TAOK1: variants seen among roughly 807,000 people sequenced by gnomAD.
TAOK1 encodes TAO kinase 1.
A neutral mutation model predicts 138.3 loss-of-function variants in TAOK1; 21 were observed. The ratio of observed to expected loss-of-function variants is 0.15; its 90% CI spans 0.11 to 0.22. The LOEUF (loss-of-function observed/expected upper bound fraction) is 0.22, where lower values mean the gene tolerates loss of function less well. TAOK1 is among the 10% of genes least tolerant of loss of function. The pLI, the probability that TAOK1 is intolerant of heterozygous loss-of-function variation, is 1.00. For synonymous variants in TAOK1, 361 were observed against 398.4 expected, an observed-to-expected ratio of 0.91 and a Z score of 1.12; for missense variants, 651 against 1,227.7, an observed-to-expected ratio of 0.53 and a Z score of 7.02.
intron 1 of TAOK1, among the ~76,000 whole-genome samples, chr17:29,450,595 T>G (rs1377200204): frequency 1.3e-5 from 2 of 152,154 alleles, no homozygotes; most frequent in Non-Finnish European, 2.9e-5. Context: ...CACTGCAACC[T>G]TGACCTCCTG....
At chr17:29,436,354 G>A (rs11652977) in intron 1 of TAOK1, among the ~76,000 whole-genome samples, 98,048 of 151,944 alleles carry the variant, frequency 0.65, 33,509 homozygotes, top group East Asian at 0.97. Flanking sequence ...CAATATTCCA[G>A]CCAAAAGTCA....
chr17:29,498,590 G>A, intron 12 of TAOK1, 69 bp downstream of exon 12: 3 of 1,555,254 alleles, frequency 1.9e-6, no homozygotes, highest in Non-Finnish European at 2.7e-6. Context: ...GTTAGTTTAA[G>A]AGAAGGAAGA....
Position 29,491,814 on chromosome 17 carries a change from T to A in TAOK1, c.780T>A (p.Ser260=). ...WSDYFRNFVD[S]CLQKIPQDRP... ...ATTATTTTCGCAACTTTGTAGATTC[T>A]TGCCTCCAGAAAATCCCTCAAGATC... The change falls in exon 10 of 20, where the codon TCT becomes TCA. Residue 260 remains serine (S), a synonymous_variant. Coordinates refer to ENST00000261716, the MANE Select transcript of TAOK1 (RefSeq NM_020791.4). 6.2e-7 allele frequency: 1 copy of A among 1,613,928 alleles called. No individual in the cohort carries two copies.
At chr17:29,395,646 C>CTTTTTTT (rs10591199) in intron 1 of TAOK1, among the ~76,000 whole-genome samples, 2 of 129,758 alleles carry the variant, frequency 1.5e-5, no homozygotes, top group Non-Finnish European at 3.2e-5. Context: ...GGTATGTGTA[C>CTTTTTTT]TTTTTTTTTT....
Position 29,475,775 on chromosome 17 carries a change from G to A in TAOK1, c.306+4G>A. 3 of 1,605,672 alleles carry A rather than the reference G, an allele frequency of 1.9e-6. No individual in the cohort carries two copies. The highest frequency in any genetic ancestry group is 2.6e-6 in the Non-Finnish European group (3 of 1,173,948). On this transcript the variant is annotated splice_donor_region_variant and intron_variant, in intron 4 of 19. Coordinates refer to ENST00000261716, the MANE Select transcript of TAOK1 (RefSeq NM_020791.4). ...TTTACGTGAACACACAGCATGGGTT[G>A]GTATTTGTTCTCCCCTTGTTGCAGT... is the stretch of plus-strand genomic sequence containing the variant.
chr17:29,391,845 A>C (rs1904441110), intron 1 of TAOK1, among the ~76,000 whole-genome samples: 1 of 152,170 alleles, frequency 6.6e-6, no homozygotes, highest in African/African-American at 2.4e-5. Flanking sequence ...GTTGGATTTT[A>C]GTTAGAATTC....
intron 8 of TAOK1, among the ~76,000 whole-genome samples, chr17:29,486,010 A>G (rs1444740868): frequency 6.6e-6 from 1 of 152,206 alleles, no homozygotes; most frequent in African/African-American, 2.4e-5. Context: ...GTTTAAAATT[A>G]AGTGGTGGCT....
At chr17:29,433,726 C>T (rs973142375) in intron 1 of TAOK1, among the ~76,000 whole-genome samples, 21 of 152,202 alleles carry the variant, frequency 1.4e-4, no homozygotes, top group African/African-American at 5.1e-4. Flanking sequence ...CTCCTCCCCA[C>T]TGCAAATGGC....
chr17:29,466,981 A>G (rs1002554363), intron 2 of TAOK1, among the ~76,000 whole-genome samples, 164 bp from the exon 3 acceptor site: 19 of 152,080 alleles, frequency 1.2e-4, no homozygotes, highest in African/African-American at 3.6e-4. Context: ...GGATAATTTT[A>G]TAAGTATTGC....
At chr17:29,428,016 A>G (rs1905701924) in intron 1 of TAOK1, among the ~76,000 whole-genome samples, 1 of 152,158 alleles carries the variant, frequency 6.6e-6, no homozygotes. Flanking sequence ...AGTCTAGGAT[A>G]GCTCCTGGGG....
Position 29,543,140 on chromosome 17 carries a change from G to T in TAOK1, c.*118G>T. On this transcript the variant is annotated 3_prime_UTR_variant, in exon 20 of 20. Transcript: ENST00000261716. ...ACAGTGTGGAAGCTGAGTGCATATGGTATATTTTATTCATTTTTGTAAAGC... is the reference window on the plus strand; with the variant it reads ...ACAGTGTGGAAGCTGAGTGCATATGTTATATTTTATTCATTTTTGTAAAGC... 1.2e-6 allele frequency: 1 copy of T among 826,376 alleles called. No individual in the cohort carries two copies. The highest frequency in any genetic ancestry group is 1.8e-6 in the Non-Finnish European group (1 of 550,456). The allele number at this position is 826,376 out of a possible 1,614,324, so 51.2% of individuals were successfully genotyped here.
At chr17:29,510,789 A>G in intron 14 of TAOK1, 75 bp from the exon 15 acceptor site, 1 of 1,039,346 alleles carries the variant, frequency 9.6e-7, no homozygotes, top group Non-Finnish European at 1.3e-6. Flanking sequence ...AATAAAAGGT[A>G]TTCTTAATGA....
At chr17:29,531,952 C>G (rs895738068) in intron 18 of TAOK1, among the ~76,000 whole-genome samples, 2 of 151,710 alleles carry the variant, frequency 1.3e-5, no homozygotes, top group African/African-American at 4.8e-5. Flanking sequence ...GCTCCGCCTC[C>G]CGGGTTCACG....
rs2032439798 is a variant in TAOK1 at position 29,548,499 on chromosome 17, C to T, written c.*5477C>T. 1 of 151,966 alleles carries T rather than the reference C, an allele frequency of 6.6e-6. No individual in the cohort carries two copies. The highest frequency in any genetic ancestry group is 2.4e-5 in the African/African-American group (1 of 41,378). The allele number at this position is 151,966 out of a possible 1,614,324, so 9.4% of individuals were successfully genotyped here. ...AAATAGAGAAAAAGGTTAATCCTCACTGAAACACCAGGATGCCCACTGGAT... is the reference window on the plus strand; with the variant it reads ...AAATAGAGAAAAAGGTTAATCCTCATTGAAACACCAGGATGCCCACTGGAT... On this transcript the variant is annotated 3_prime_UTR_variant, in exon 20 of 20. Transcript: ENST00000261716.
In TAOK1 at chr17:29,503,732, T is replaced by C. The variant is rs532590264; in HGVS notation, c.1338+1009T>C. On this transcript the variant is annotated intron_variant, in intron 13 of 19. Coordinates refer to ENST00000261716, the MANE Select transcript of TAOK1 (RefSeq NM_020791.4). Reference sequence around the variant, plus strand: ...GCTCATGCCTGTAATTGTAGCACTTTGGGAGGCTGAGGTGGGCGGACCACT... The same window carrying C: ...GCTCATGCCTGTAATTGTAGCACTTCGGGAGGCTGAGGTGGGCGGACCACT... Among the ~76,000 whole-genome samples the C allele has an allele frequency of 1.1e-4, 17 of 152,220 alleles. No individual in the cohort carries two copies. In the East Asian group the frequency reaches 3.1e-3, roughly 28 times the overall value.
At chr17:29,418,947 T>TTTTTTTTTTTTTA in intron 1 of TAOK1, among the ~76,000 whole-genome samples, 1 of 132,574 alleles carries the variant, frequency 7.5e-6, no homozygotes, top group Non-Finnish European at 1.6e-5. Flanking sequence ...TTTTTTTTTT[T>TTTTTTTTTTTTTA]ATGTATGTTT....
intron 1 of TAOK1, among the ~76,000 whole-genome samples, chr17:29,399,792 G>T (rs1025145282): frequency 6.6e-6 from 1 of 152,084 alleles, no homozygotes; most frequent in African/African-American, 2.4e-5. Context: ...GTGCAGTGGT[G>T]AGATCAAAGT....
At chr17:29,394,170 T>TTG in intron 1 of TAOK1, among the ~76,000 whole-genome samples, 1 of 128,412 alleles carries the variant, frequency 7.8e-6, no homozygotes, top group Non-Finnish European at 1.6e-5. Context: ...TTTTTTTTTT[T>TTG]TTTTTTTTTT....
In TAOK1 at chr17:29,543,023, C is replaced by CTTAATAATT. The variant is rs1567750959; in HGVS notation, c.*2_*10dup. 1.5e-5 allele frequency: 23 copies of CTTAATAATT among 1,562,760 alleles called. No homozygotes were observed. The highest frequency in any genetic ancestry group is 1.9e-5 in the Non-Finnish European group (22 of 1,149,386). On this transcript the variant is annotated 3_prime_UTR_variant, in exon 20 of 20. Transcript: ENST00000261716. ...TGGGTCACACATGTCTTATACATAA[C>CTTAATAATT]TTAATAATTGAGAGTGGCAATTCCG...
Sources: gnomAD v4.1 joint callset for allele counts (sites outside exome capture counted in the v4.1 genomes callset) on GRCh38, gnomAD v4.1.1 for gene constraint, MANE v1.5 for transcripts, NCBI Gene and HGNC (gene_info 2026-07-23, HGNC 2026-07-21) for gene names.